VGLL3: variants seen among roughly 807,000 people sequenced by gnomAD.
VGLL3 encodes the protein transcription cofactor vestigial-like protein 3.
Under a neutral mutation model 29.2 loss-of-function variants are expected in VGLL3, and 18 were observed. That is an observed-to-expected ratio of 0.62 (90% CI 0.43 to 0.91). The LOEUF is 0.91. Ranked by LOEUF, VGLL3 falls within the 40% of genes least tolerant of loss-of-function variation. VGLL3 has a pLI of 0.00. For missense variants in VGLL3, 440 were observed against 413.2 expected (o/e 1.06, Z -0.56); for synonymous variants, 180 against 151.8 (o/e 1.19, Z -1.36).
At chr3:86,948,546 G>A (rs1160418685) in intron 3 of VGLL3, among the ~76,000 whole-genome samples, 1 of 151,566 alleles carries the variant, frequency 6.6e-6, no homozygotes, top group South Asian at 2.1e-4. Context: ...CCTGCACATT[G>A]TGCACATGTA....
chr3:86,968,506 G>GA (rs1406957282), intron 3 of VGLL3, 84 bp downstream of exon 3: 5 of 1,451,914 alleles, frequency 3.4e-6, no homozygotes, highest in African/African-American at 1.4e-5. Flanking sequence ...TTACAGATAA[G>GA]AAAAAATAAT....
intron 1 of VGLL3, among the ~76,000 whole-genome samples, chr3:86,980,345 T>C (rs563662015): frequency 6.6e-6 from 1 of 152,244 alleles, no homozygotes; most frequent in East Asian, 1.9e-4. Context: ...GCAGTGAATA[T>C]GTTGTTCTTG....
intron 1 of VGLL3, 157 bp downstream of exon 1, chr3:86,990,461 C>A: frequency 1.0e-6 from 1 of 979,110 alleles, no homozygotes; most frequent in African/African-American, 1.7e-5. Context: ...TCTCCCTTCC[C>A]GGCTCTCTCG....
At position 86,990,909 on chromosome 3, in the gene VGLL3, G is replaced by A; in HGVS notation, c.-166C>T. 1.8e-6 allele frequency: 2 copies of A among 1,113,196 alleles called. No homozygotes were observed. Among genetic ancestry groups the A allele is most frequent in the Non-Finnish European group, 1.1e-6 (1 of 908,028 alleles). 69.0% of individuals were successfully genotyped at this position (1,113,196 alleles called of 1,614,324 possible). On this transcript the variant is annotated 5_prime_UTR_variant, in exon 1 of 4. Transcript: ENST00000398399. ...GCCTCGGGCTCCGCGCGGGGCGCGG[G>A]GTCGGGAGGGACTGGCAATCAGCGG...
intron 3 of VGLL3, among the ~76,000 whole-genome samples, chr3:86,958,133 C>A (rs1226989575): frequency 6.6e-6 from 1 of 152,084 alleles, no homozygotes; most frequent in South Asian, 2.1e-4. Context: ...ACTCATAGAT[C>A]CCACCTCTTG....
At chr3:86,953,369 A>G (rs1194269744) in intron 3 of VGLL3, among the ~76,000 whole-genome samples, 4 of 152,218 alleles carry the variant, frequency 2.6e-5, no homozygotes, top group African/African-American at 9.6e-5. Context: ...ATTCTATAGT[A>G]TACTATTACC....
In VGLL3 at chr3:86,980,646, G is replaced by A. The variant is rs184270787; in HGVS notation, c.127-1844C>T. 2.4e-3 allele frequency among the ~76,000 whole-genome samples: 371 copies of A among 151,966 alleles called. 2 individuals carry two copies. The highest frequency in any genetic ancestry group is 8.3e-3 in the African/African-American group (346 of 41,490). ...ATGGTATGTGTAAAATGAGGGAATC[G>A]AACTAAATAACCTCTAAAACTATTC... On this transcript the variant is annotated intron_variant, in intron 1 of 3. Transcript: ENST00000398399.
intron 3 of VGLL3, chr3:86,962,002 T>G: frequency 1.0e-6 from 1 of 983,732 alleles, no homozygotes. Flanking sequence ...GCAATGTAAA[T>G]AAATTCATTT....
Position 86,938,883 on chromosome 3 carries a change from G to GAC in VGLL3, c.*8139_*8140dup, listed in dbSNP as rs1261689388. 6.6e-6 allele frequency: 1 copy of GAC among 152,118 alleles called. No homozygotes were observed. Among genetic ancestry groups the GAC allele is most frequent in the Non-Finnish European group, 1.5e-5 (1 of 68,032 alleles). 9.4% of individuals were successfully genotyped at this position (152,118 alleles called of 1,614,324 possible). On this transcript the variant is annotated 3_prime_UTR_variant, in exon 4 of 4. Transcript: ENST00000398399. ...TCAAATAAGATGCTTGGAGACTTAG[G>GAC]ACATCGCAAGATGGGTCTAAGTTCC... is the stretch of plus-strand genomic sequence containing the variant.
At chr3:86,947,647 C>T (rs546887843) in intron 3 of VGLL3, among the ~76,000 whole-genome samples, 1 of 152,072 alleles carries the variant, frequency 6.6e-6, no homozygotes, top group African/African-American at 2.4e-5. Flanking sequence ...GACCTATATT[C>T]TATTTATTAA....
At chr3:86,988,023 C>A (rs796795941) in intron 1 of VGLL3, among the ~76,000 whole-genome samples, 28 of 152,146 alleles carry the variant, frequency 1.8e-4, no homozygotes, top group African/African-American at 6.0e-4. Context: ...GAAAAATATA[C>A]CTGTGTTTAA....
rs926588712 is a variant in VGLL3 at position 86,991,030 on chromosome 3, T to C, written c.-287A>G. The stretch of plus-strand genomic sequence containing the variant: ...GGGACGCAGCCGCCCGCTGCGCCGC[T>C]GGGGCATTACCGCGTCCGGCTCCCG... On this transcript the variant is annotated 5_prime_UTR_variant, in exon 1 of 4. Transcript: ENST00000398399. 1.3e-6 allele frequency: 1 copy of C among 771,498 alleles called. No individual in the cohort carries two copies. 47.8% of individuals were successfully genotyped at this position (771,498 alleles called of 1,614,324 possible). A position where few individuals can be genotyped will look rare whatever the true frequency, so the allele number is the denominator to read the frequency against.
chr3:86,991,006 G>T lies in VGLL3; in HGVS notation c.-263C>A. 1.1e-6 allele frequency: 1 copy of T among 902,404 alleles called. No homozygotes were observed. The highest frequency in any genetic ancestry group is 1.3e-6 in the Non-Finnish European group (1 of 745,952). 55.9% of individuals were successfully genotyped at this position (902,404 alleles called of 1,614,324 possible). ...CTGCCGCGCTTATATAGCGGCTCAGGGACGCAGCCGCCCGCTGCGCCGCTG... is the reference window on the plus strand; with the variant it reads ...CTGCCGCGCTTATATAGCGGCTCAGTGACGCAGCCGCCCGCTGCGCCGCTG... On this transcript the variant is annotated 5_prime_UTR_variant, in exon 1 of 4. Transcript: ENST00000398399.
intron 3 of VGLL3, chr3:86,963,057 T>G: frequency 4.9e-6 from 1 of 203,936 alleles, no homozygotes; most frequent in Non-Finnish European, 1.1e-5. Flanking sequence ...ATCTCGCCAT[T>G]GCACTCCAGC....
intron 3 of VGLL3, among the ~76,000 whole-genome samples, chr3:86,954,994 A>G (rs1327605064): frequency 1.3e-5 from 2 of 152,130 alleles, no homozygotes; most frequent in East Asian, 3.9e-4. Flanking sequence ...TCTGTTGGAT[A>G]ACAAATGTAG....
intron 3 of VGLL3, among the ~76,000 whole-genome samples, chr3:86,950,778 G>A (rs1260515574): frequency 2.0e-5 from 3 of 152,154 alleles, no homozygotes; most frequent in Admixed American, 6.5e-5. Flanking sequence ...TAACTGATGT[G>A]TCTCTCTATA....
At chr3:86,976,393 C>T (rs1559731235) in intron 2 of VGLL3, among the ~76,000 whole-genome samples, 1 of 152,152 alleles carries the variant, frequency 6.6e-6, no homozygotes. Context: ...TTGTTTGTTT[C>T]CTGTTTCTAC....
At chr3:86,948,017 T>C (rs1279699344) in intron 3 of VGLL3, among the ~76,000 whole-genome samples, 2 of 152,102 alleles carry the variant, frequency 1.3e-5, no homozygotes, top group Non-Finnish European at 2.9e-5. Context: ...ATTTAAGGTG[T>C]ATAACGAGAT....
intron 3 of VGLL3, among the ~76,000 whole-genome samples, chr3:86,960,041 A>G (rs1026683502): frequency 6.6e-6 from 1 of 152,116 alleles, no homozygotes; most frequent in Non-Finnish European, 1.5e-5. Flanking sequence ...GCCTGTACCT[A>G]ACAAAACCAA....
Sources: gnomAD v4.1 joint callset for allele counts (sites outside exome capture counted in the v4.1 genomes callset) on GRCh38, gnomAD v4.1.1 for gene constraint, MANE v1.5 for transcripts, NCBI Gene and HGNC (gene_info 2026-07-23, HGNC 2026-07-21) for gene names.